The following GRID1 variants were observed in gnomAD, a reference collection of about 807,000 sequenced individuals.
GRID1 encodes the protein glutamate ionotropic receptor delta type subunit 1, also known as glutamate receptor ionotropic, delta-1.
In GRID1, 28 loss-of-function variants were observed where a neutral mutation model predicts 98.0. The observed-to-expected ratio is 0.29, with a 90% CI of 0.21 to 0.39. The LOEUF is 0.39. GRID1 is among the 10% of genes least tolerant of loss of function. The probability of loss-of-function intolerance (pLI) is 1.00; values close to 1 mark genes in which losing one functional copy is unlikely to be tolerated. For synonymous variants in GRID1, 553 were observed against 538.5 expected (o/e 1.03, Z -0.37); for missense variants, 1,111 against 1,340.5 (o/e 0.83, Z 2.67).
intron 2 of GRID1, among the ~76,000 whole-genome samples, chr10:86,280,926 C>T (rs181134542): frequency 6.6e-5 from 10 of 152,344 alleles, no homozygotes; most frequent in African/African-American, 2.4e-4. Flanking sequence ...TCAACCCTTA[C>T]AGACAGGCTG....
At chr10:85,682,067 C>T (rs533545759) in intron 12 of GRID1, among the ~76,000 whole-genome samples, 1 of 152,230 alleles carries the variant, frequency 6.6e-6, no homozygotes, top group East Asian at 1.9e-4. Flanking sequence ...GAAAGACAGA[C>T]ATGCCTTCTC....
At chr10:85,964,330 C>T (rs1254815329) in intron 4 of GRID1, among the ~76,000 whole-genome samples, 1 of 151,994 alleles carries the variant, frequency 6.6e-6, no homozygotes, top group Non-Finnish European at 1.5e-5. Flanking sequence ...ACCACAGAGC[C>T]AAGACAATCC....
Position 85,694,390 on chromosome 10 carries a change from A to G in GRID1, c.1997+28613T>C, listed in dbSNP as rs114756051. Among the ~76,000 whole-genome samples the G allele has an allele frequency of 7.6e-3, 1,159 of 151,988 alleles. 15 individuals are homozygous for G. Among genetic ancestry groups the G allele is most frequent in the African/African-American group, 0.021 (860 of 41,528 alleles). On this transcript the variant is annotated intron_variant, in intron 12 of 15. Transcript: ENST00000327946. ...GGAGATTTCTCAAAGAACTAAGGAT[A>G]GAACTACCATTTGATCCCACTACTG... is the stretch of plus-strand genomic sequence containing the variant.
At position 86,150,721 on chromosome 10, in the gene GRID1, G is replaced by A. The variant is rs1186640132; in HGVS notation, c.521-11697C>T. Reference sequence around the variant, plus strand: ...TGATGGTATTAGAAGAGGGGGTTTTGGGAGGTAATTAGGGTTATAAGGGCA... The same window carrying A: ...TGATGGTATTAGAAGAGGGGGTTTTAGGAGGTAATTAGGGTTATAAGGGCA... On this transcript the variant is annotated intron_variant, in intron 3 of 15. Transcript: ENST00000327946. Among the ~76,000 whole-genome samples the A allele has an allele frequency of 3.3e-5, 5 of 152,286 alleles. No homozygotes were observed. The South Asian group carries it at 6.2e-4, about 19-fold the overall frequency.
intron 2 of GRID1, among the ~76,000 whole-genome samples, chr10:86,238,738 A>G (rs1004403492): frequency 6.6e-6 from 1 of 151,772 alleles, no homozygotes; most frequent in East Asian, 1.9e-4. Flanking sequence ...GGTGCAAGCC[A>G]TAAGCCTTGC....
chr10:85,729,669 T>G, intron 8 of GRID1, 55 bp from the exon 9 acceptor site: 2 of 1,094,838 alleles, frequency 1.8e-6, no homozygotes, highest in Non-Finnish European at 2.8e-6. Flanking sequence ...GTGCACACCA[T>G]AGGACCTCGG....
At chr10:86,202,105 G>T (rs536118072) in intron 3 of GRID1, among the ~76,000 whole-genome samples, 87 of 152,350 alleles carry the variant, frequency 5.7e-4, no homozygotes, top group African/African-American at 2.0e-3. Flanking sequence ...TTGTTTCTGT[G>T]GAATCCCAGC....
chr10:86,212,380 A>G (rs1056976478), intron 2 of GRID1, among the ~76,000 whole-genome samples: 1 of 152,370 alleles, frequency 6.6e-6, no homozygotes, highest in East Asian at 1.9e-4. Context: ...GCCACCTTAA[A>G]GAACAGCAGG....
intron 8 of GRID1, among the ~76,000 whole-genome samples, chr10:85,824,442 C>A (rs1451539480): frequency 6.6e-6 from 1 of 152,180 alleles, no homozygotes; most frequent in Admixed American, 6.5e-5. Context: ...GAATTCCTGG[C>A]CTTAAGTGAT....
At chr10:86,309,584 T>TCCTGTCCTGGCAGCAC (rs1455311880) in intron 2 of GRID1, among the ~76,000 whole-genome samples, 2 of 152,148 alleles carry the variant, frequency 1.3e-5, no homozygotes, top group Non-Finnish European at 2.9e-5. Context: ...CCTGGCAGCA[T>TCCTGTCCTGGCAGCAC]CCTGTCCTGG....
At chr10:86,233,625 C>T (rs1373606525) in intron 2 of GRID1, among the ~76,000 whole-genome samples, 4 of 152,160 alleles carry the variant, frequency 2.6e-5, no homozygotes, top group Non-Finnish European at 4.4e-5. Flanking sequence ...CCCCTCCTTC[C>T]CTCCAGAGGG....
intron 4 of GRID1, among the ~76,000 whole-genome samples, chr10:86,073,175 TA>T (rs1843828763): frequency 6.6e-6 from 1 of 152,178 alleles, no homozygotes; most frequent in South Asian, 2.1e-4. Flanking sequence ...AAATTCTGAT[TA>T]AAATGATTAG....
chr10:86,202,535 G>A (rs1384918292), intron 3 of GRID1, among the ~76,000 whole-genome samples: 1 of 152,202 alleles, frequency 6.6e-6, no homozygotes, highest in African/African-American at 2.4e-5. Context: ...TTTTAATGTT[G>A]CAAATTTTCT....
At chr10:85,879,026 G>A (rs1185935630) in intron 5 of GRID1, among the ~76,000 whole-genome samples, 1 of 151,434 alleles carries the variant, frequency 6.6e-6, no homozygotes, top group East Asian at 1.9e-4. Flanking sequence ...GACAAAGAAG[G>A]CCATTACATG....
At chr10:85,977,415 A>T (rs1272739500) in intron 4 of GRID1, among the ~76,000 whole-genome samples, 2 of 152,190 alleles carry the variant, frequency 1.3e-5, no homozygotes, top group Non-Finnish European at 1.5e-5. Context: ...CCCCACCTAA[A>T]GGGACTCTGA....
chr10:85,663,261 T>C (rs1363473968), intron 12 of GRID1, among the ~76,000 whole-genome samples: 1 of 152,148 alleles, frequency 6.6e-6, no homozygotes, highest in Non-Finnish European at 1.5e-5. Context: ...ACGAGTGTCC[T>C]TATAAAAAGG....
At chr10:86,261,918 C>T (rs1847021585) in intron 2 of GRID1, among the ~76,000 whole-genome samples, 1 of 152,228 alleles carries the variant, frequency 6.6e-6, no homozygotes, top group Non-Finnish European at 1.5e-5. Context: ...TGTTACAGGA[C>T]ATTGGGGCCC....
At chr10:85,650,677 A>G (rs1843257018) in intron 12 of GRID1, among the ~76,000 whole-genome samples, 1 of 152,240 alleles carries the variant, frequency 6.6e-6, no homozygotes, top group Non-Finnish European at 1.5e-5. Context: ...TAGGAGCTAA[A>G]GAAATGCTTC....
At position 85,860,769 on chromosome 10, in the gene GRID1, T is replaced by G. The variant is rs540072701; in HGVS notation, c.952-4579A>C. On this transcript the variant is annotated intron_variant, in intron 6 of 15. Coordinates refer to ENST00000327946, the MANE Select transcript of GRID1 (RefSeq NM_017551.3). ...GGATACAGCAAGCACTCAATAAATG[T>G]TGATGGAACGAGTGAAGTAGATCTC... Among the ~76,000 whole-genome samples the G allele has an allele frequency of 2.5e-3, 379 of 152,256 alleles. 3 individuals are homozygous for G. The highest frequency in any genetic ancestry group is 0.017 in the Middle Eastern group (5 of 294).
Sources: gnomAD v4.1 joint callset for allele counts (sites outside exome capture counted in the v4.1 genomes callset) on GRCh38, gnomAD v4.1.1 for gene constraint, MANE v1.5 for transcripts, NCBI Gene and HGNC (gene_info 2026-07-23, HGNC 2026-07-21) for gene names.